MACROD2: variants seen among roughly 807,000 people sequenced by gnomAD.
MACROD2 encodes the protein ADP-ribose glycohydrolase MACROD2.
MACROD2 carries 36 observed loss-of-function variants against 70.4 expected under a neutral mutation model. The ratio of observed to expected loss-of-function variants is 0.51; its 90% CI spans 0.39 to 0.68. MACROD2 has a LOEUF of 0.68. Among genes scored for constraint, MACROD2 ranks in the 30% least tolerant of loss-of-function variants. The pLI, the probability that MACROD2 is intolerant of heterozygous loss-of-function variation, is 0.00. For synonymous variants in MACROD2, 172 were observed against 178.8 expected (o/e 0.96, Z 0.30); for missense variants, 496 against 538.4 (o/e 0.92, Z 0.78).
chr20:14,005,054 A>G (rs1257194554), intron 2 of MACROD2, among the ~76,000 whole-genome samples: 1 of 152,182 alleles, frequency 6.6e-6, no homozygotes, highest in African/African-American at 2.4e-5. Flanking sequence ...AATACAATAG[A>G]AAGTTAAATA....
At chr20:14,457,798 T>C (rs934626789) in intron 3 of MACROD2, among the ~76,000 whole-genome samples, 1 of 152,130 alleles carries the variant, frequency 6.6e-6, no homozygotes, top group Non-Finnish European at 1.5e-5. Context: ...GTAGTACTTA[T>C]ATTTATATCA....
At chr20:14,933,092 C>G (rs1362304582) in intron 5 of MACROD2, among the ~76,000 whole-genome samples, 1 of 151,632 alleles carries the variant, frequency 6.6e-6, no homozygotes, top group East Asian at 1.9e-4. Context: ...TTTTTAACCA[C>G]TTCCATGAGA....
At chr20:14,827,849 A>T (rs2072919622) in intron 5 of MACROD2, among the ~76,000 whole-genome samples, 1 of 152,114 alleles carries the variant, frequency 6.6e-6, no homozygotes, top group African/African-American at 2.4e-5. Context: ...ATTAATAAGA[A>T]TTCAAAATAT....
intron 8 of MACROD2, among the ~76,000 whole-genome samples, chr20:15,844,513 T>A (rs1245465649): frequency 1.3e-5 from 2 of 152,126 alleles, no homozygotes; most frequent in African/African-American, 4.8e-5. Flanking sequence ...AAAACTGAGC[T>A]TTAGTGAGGT....
intron 5 of MACROD2, among the ~76,000 whole-genome samples, chr20:15,207,436 G>GTTTTTTTTT (rs548522491): frequency 5.9e-5 from 5 of 84,586 alleles, no homozygotes; most frequent in East Asian, 3.1e-4. Context: ...TTTGTTTCTG[G>GTTTTTTTTT]TTTTTTTTTT....
chr20:15,829,782 G>A (rs1796429787), intron 8 of MACROD2, among the ~76,000 whole-genome samples: 1 of 152,152 alleles, frequency 6.6e-6, no homozygotes, highest in Non-Finnish European at 1.5e-5. Flanking sequence ...ACAGGTGAAT[G>A]AAAAATTGCA....
chr20:15,338,898 T>G (rs2078077666), intron 6 of MACROD2, among the ~76,000 whole-genome samples: 2 of 151,792 alleles, frequency 1.3e-5, no homozygotes, highest in African/African-American at 4.9e-5. Context: ...TTTATAAGCA[T>G]GATGTTCACA....
chr20:14,772,138 A>T (rs1329738907), intron 5 of MACROD2, among the ~76,000 whole-genome samples: 1 of 152,016 alleles, frequency 6.6e-6, no homozygotes, highest in African/African-American at 2.4e-5. Flanking sequence ...TTTTCACACT[A>T]ATTTCCTTTC....
intron 5 of MACROD2, among the ~76,000 whole-genome samples, chr20:14,990,360 G>A (rs2074890434): frequency 6.6e-6 from 1 of 152,070 alleles, no homozygotes; most frequent in South Asian, 2.1e-4. Context: ...GGAAGTTGCA[G>A]ATTTGCTAGC....
chr20:15,816,792 C>T (rs984322324), intron 8 of MACROD2, among the ~76,000 whole-genome samples: 2 of 152,162 alleles, frequency 1.3e-5, no homozygotes, highest in Non-Finnish European at 2.9e-5. Context: ...CCCTGTCTCC[C>T]ATGTACTTAT....
intron 3 of MACROD2, among the ~76,000 whole-genome samples, chr20:14,491,175 A>T (rs2084789441): frequency 6.6e-6 from 1 of 152,218 alleles, no homozygotes; most frequent in Admixed American, 6.5e-5. Context: ...GAGGTAAAGT[A>T]ATAACTACAA....
At chr20:14,386,269 A>C (rs2083467064) in intron 3 of MACROD2, among the ~76,000 whole-genome samples, 1 of 152,196 alleles carries the variant, frequency 6.6e-6, no homozygotes, top group Non-Finnish European at 1.5e-5. Flanking sequence ...GCAGTCTATA[A>C]AATCTATCTT....
intron 6 of MACROD2, among the ~76,000 whole-genome samples, chr20:15,252,529 T>C (rs543069973): frequency 6.6e-6 from 1 of 152,328 alleles, no homozygotes; most frequent in East Asian, 1.9e-4. Context: ...AAGCTACATA[T>C]GGCTTACTGT....
chr20:14,607,510 C>T (rs918513563), intron 4 of MACROD2, among the ~76,000 whole-genome samples: 5 of 152,152 alleles, frequency 3.3e-5, no homozygotes, highest in Non-Finnish European at 5.9e-5. Context: ...CTGTTCTGGA[C>T]TCACACTGCT....
At chr20:15,311,397 CA>C (rs1165743964) in intron 6 of MACROD2, among the ~76,000 whole-genome samples, 1 of 152,154 alleles carries the variant, frequency 6.6e-6, no homozygotes, top group Non-Finnish European at 1.5e-5. Context: ...ATATGTTTTG[CA>C]GAGCTACCAT....
At chr20:14,669,315 A>G (rs965606664) in intron 4 of MACROD2, among the ~76,000 whole-genome samples, 1 of 152,192 alleles carries the variant, frequency 6.6e-6, no homozygotes, top group Non-Finnish European at 1.5e-5. Flanking sequence ...TGTATGCGTC[A>G]AGATTTTATA....
intron 8 of MACROD2, among the ~76,000 whole-genome samples, chr20:15,744,461 G>A (rs1283614684): frequency 6.6e-6 from 1 of 152,158 alleles, no homozygotes; most frequent in Non-Finnish European, 1.5e-5. Flanking sequence ...AAAGCTGGCA[G>A]AGTTATACTT....
chr20:15,134,516 C>T (rs575133664), intron 5 of MACROD2, among the ~76,000 whole-genome samples: 221 of 152,038 alleles, frequency 1.5e-3, no homozygotes, highest in African/African-American at 4.8e-3. Context: ...TCTTTGAAAC[C>T]AATGAGAACA....
At chr20:14,751,483 C>G (rs2071869723) in intron 5 of MACROD2, among the ~76,000 whole-genome samples, 2 of 152,152 alleles carry the variant, frequency 1.3e-5, no homozygotes, top group African/African-American at 4.8e-5. Flanking sequence ...CATCCTTAAT[C>G]TAGCAGACAG....
Sources: gnomAD v4.1 joint callset for allele counts (sites outside exome capture counted in the v4.1 genomes callset) on GRCh38, gnomAD v4.1.1 for gene constraint, MANE v1.5 for transcripts, NCBI Gene and HGNC (gene_info 2026-07-23, HGNC 2026-07-21) for gene names.